The following UGGT2 variants were observed in gnomAD, a reference collection of about 807,000 sequenced individuals.
UGGT2 encodes UDP-glucose glycoprotein glucosyltransferase 2.
A neutral mutation model predicts 192.1 loss-of-function variants in UGGT2; 180 were observed. That is an observed-to-expected ratio of 0.94 (90% confidence interval 0.83 to 1.06). The LOEUF is 1.06. UGGT2 is among the 50% of genes least tolerant of loss of function. The pLI is 0.00. For missense variants in UGGT2, 1,849 were observed against 1,795.7 expected (o/e 1.03, Z -0.54); for synonymous variants, 580 against 591.0 (o/e 0.98, Z 0.27).
chr13:95,964,624 T>C (rs1270359796), intron 12 of UGGT2, among the ~76,000 whole-genome samples: 1 of 152,150 alleles, frequency 6.6e-6, no homozygotes, highest in East Asian at 1.9e-4. Flanking sequence ...AACAATCTTA[T>C]TTTTAAAAGA....
chr13:95,954,849 A>G (rs1453992487), intron 12 of UGGT2, among the ~76,000 whole-genome samples: 1 of 152,196 alleles, frequency 6.6e-6, no homozygotes, highest in Non-Finnish European at 1.5e-5. Flanking sequence ...TTTGGCTCCA[A>G]ATGAATCTCT....
intron 33 of UGGT2, among the ~76,000 whole-genome samples, chr13:95,858,413 A>G (rs537837785): frequency 1.8e-4 from 27 of 152,166 alleles, no homozygotes; most frequent in Admixed American, 1.6e-3. Context: ...GTTAGAGGTT[A>G]AGGTTAGTCA....
chr13:95,810,546 C>A (rs7330502), intron 38 of UGGT2, among the ~76,000 whole-genome samples: 2,719 of 152,176 alleles, frequency 0.018, 83 homozygotes, highest in African/African-American at 0.062. Context: ...GCATTCATGA[C>A]ATACCTAGCT....
At chr13:96,045,834 A>G (rs1241859562) in intron 1 of UGGT2, among the ~76,000 whole-genome samples, 1 of 152,192 alleles carries the variant, frequency 6.6e-6, no homozygotes, top group Non-Finnish European at 1.5e-5. Context: ...AAGAAATCAT[A>G]GACGACACAA....
chr13:95,895,033 G>A, intron 23 of UGGT2, 147 bp downstream of exon 23: 1 of 756,488 alleles, frequency 1.3e-6, no homozygotes, highest in Non-Finnish European at 2.0e-6. Flanking sequence ...GTAAATGGAT[G>A]CCTTTTATTA....
At chr13:96,012,133 A>C (rs542742432) in intron 5 of UGGT2, among the ~76,000 whole-genome samples, 2 of 152,088 alleles carry the variant, frequency 1.3e-5, no homozygotes, top group East Asian at 3.8e-4. Flanking sequence ...AACAGAATGG[A>C]AAGTCTAAAA....
At chr13:95,947,632 G>T (rs1022237212) in intron 14 of UGGT2, among the ~76,000 whole-genome samples, 9 of 151,920 alleles carry the variant, frequency 5.9e-5, no homozygotes, top group African/African-American at 1.7e-4. Flanking sequence ...TGAATTTTTA[G>T]TAGAGACGGG....
At chr13:95,930,936 CAG>C (rs1302489691) in intron 17 of UGGT2, among the ~76,000 whole-genome samples, 11 of 152,114 alleles carry the variant, frequency 7.2e-5, no homozygotes, top group Non-Finnish European at 1.6e-4. Flanking sequence ...GACTGAGCAG[CAG>C]AAAGATTTAC....
chr13:95,985,083 C>T (rs1291210627), intron 9 of UGGT2: 1 of 225,620 alleles, frequency 4.4e-6, no homozygotes, highest in African/African-American at 2.4e-5. Context: ...TGCATCAGAA[C>T]CTCTGAACAG....
intron 38 of UGGT2, among the ~76,000 whole-genome samples, chr13:95,826,366 T>TAAAC (rs968791153): frequency 9.2e-5 from 14 of 151,632 alleles, no homozygotes; most frequent in South Asian, 2.1e-4. Flanking sequence ...GCAAGTAAAA[T>TAAAC]AAACAAACAA....
chr13:95,978,716 G>C (rs141532425), intron 10 of UGGT2, among the ~76,000 whole-genome samples: 1 of 152,180 alleles, frequency 6.6e-6, no homozygotes, highest in African/African-American at 2.4e-5. Flanking sequence ...GGTGAGAGAT[G>C]GGGGTCTAGT....
intron 31 of UGGT2, 111 bp from the exon 32 acceptor site, chr13:95,860,994 C>T (rs1890112349): frequency 4.2e-6 from 2 of 474,180 alleles, no homozygotes; most frequent in South Asian, 1.4e-4. Context: ...AATAGTTAAG[C>T]TATAAACACT....
At chr13:95,935,037 G>A (rs2049415202) in intron 17 of UGGT2, among the ~76,000 whole-genome samples, 1 of 152,006 alleles carries the variant, frequency 6.6e-6, no homozygotes, top group Non-Finnish European at 1.5e-5. Context: ...TTTTATCTAA[G>A]AATAGCAACT....
chr13:96,047,928 G>C (rs1044698265), intron 1 of UGGT2, among the ~76,000 whole-genome samples: 1 of 151,902 alleles, frequency 6.6e-6, no homozygotes, highest in Non-Finnish European at 1.5e-5. Flanking sequence ...ACAGATCAAC[G>C]AGACAGAAAG....
intron 37 of UGGT2, among the ~76,000 whole-genome samples, chr13:95,834,014 A>G (rs1472565932): frequency 1.3e-5 from 2 of 152,122 alleles, no homozygotes; most frequent in African/African-American, 4.8e-5. Flanking sequence ...AAATATTTTC[A>G]GTTGATTCAT....
chr13:95,952,097 A>G (rs762958927), intron 12 of UGGT2, among the ~76,000 whole-genome samples: 2 of 152,052 alleles, frequency 1.3e-5, no homozygotes, highest in Non-Finnish European at 2.9e-5. Flanking sequence ...GTAGGACAAC[A>G]TATTGATTGG....
intron 36 of UGGT2, among the ~76,000 whole-genome samples, chr13:95,838,426 A>G (rs931569490): frequency 2.6e-5 from 4 of 152,178 alleles, no homozygotes; most frequent in African/African-American, 7.2e-5. Flanking sequence ...TTAGCAAGTT[A>G]TTTTGTGGAG....
intron 1 of UGGT2, among the ~76,000 whole-genome samples, chr13:96,047,238 C>A (rs2053342003): frequency 6.6e-6 from 1 of 152,186 alleles, no homozygotes; most frequent in Non-Finnish European, 1.5e-5. Flanking sequence ...CCGACTGACA[C>A]CTCATACAGC....
intron 26 of UGGT2, 33 bp from the exon 27 acceptor site, chr13:95,884,713 C>T: frequency 6.5e-7 from 1 of 1,540,856 alleles, no homozygotes; most frequent in South Asian, 1.3e-5. Flanking sequence ...CATAATGTGA[C>T]CAAAACTGAG....
Sources: gnomAD v4.1 joint callset for allele counts (sites outside exome capture counted in the v4.1 genomes callset) on GRCh38, gnomAD v4.1.1 for gene constraint, MANE v1.5 for transcripts, NCBI Gene and HGNC (gene_info 2026-07-23, HGNC 2026-07-21) for gene names.